The following POLD3 variants were observed in gnomAD, a reference collection of about 807,000 sequenced individuals.
POLD3 encodes DNA polymerase delta subunit 3.
Under a neutral mutation model 58.2 loss-of-function variants are expected in POLD3, and 19 were observed. The ratio of observed to expected loss-of-function variants is 0.33; its 90% CI spans 0.23 to 0.48. The LOEUF (loss-of-function observed/expected upper bound fraction) is 0.48. Ranked by LOEUF, POLD3 falls within the 20% of genes least tolerant of loss-of-function variation. The pLI, the probability that POLD3 is intolerant of heterozygous loss-of-function variation, is 0.99. For synonymous variants in POLD3, 172 were observed against 193.5 expected (o/e 0.89, Z 0.92); for missense variants, 504 against 545.5 (o/e 0.92, Z 0.76).
chr11:74,596,337 C>T (rs1011309226), intron 2 of POLD3, among the ~76,000 whole-genome samples: 12 of 151,174 alleles, frequency 7.9e-5, no homozygotes, highest in Non-Finnish European at 1.2e-4. Flanking sequence ...GCATGTGCCA[C>T]CATACCCGGC....
intron 3 of POLD3, among the ~76,000 whole-genome samples, chr11:74,609,951 G>A (rs2031850872): frequency 6.6e-6 from 1 of 152,098 alleles, no homozygotes; most frequent in Non-Finnish European, 1.5e-5. Context: ...TAATAGTGCT[G>A]TAGTGAATAG....
chr11:74,640,726 A>G lies in POLD3; in HGVS notation c.1361A>G (p.Asn454Ser), dbSNP rs759569472. 18 of 1,608,540 alleles carry G rather than the reference A, an allele frequency of 1.1e-5. No individual in the cohort carries two copies. The highest frequency in any genetic ancestry group is 1.7e-4 in the Middle Eastern group (1 of 6,042). ...GGGACTGCTGCTCTGGGCAAAGCCA[A>G]CAGACAGGTGTCCATTACTGGCTTC... ...KKGTAALGKA[N>S]RQVSITGFFQ... Residue 454 changes from asparagine to serine, a missense_variant, in exon 12 of 12, where the codon AAC becomes AGC. By Grantham distance (46) the Asn-to-Ser change is conservative. Transcript: ENST00000263681.
In POLD3 at chr11:74,639,081, A is replaced by G. The variant is rs188275335; in HGVS notation, c.1199-1483A>G. 6.6e-5 allele frequency among the ~76,000 whole-genome samples: 10 copies of G among 152,276 alleles called. No individual in the cohort carries two copies. The East Asian group carries it at 1.9e-3, about 29-fold the overall frequency. ...AGTGGCAATTGCACTTCAACATTTA[A>G]AACAGGGAAGGAGAGAACATTAATT... On this transcript the variant is annotated intron_variant, in intron 11 of 11. Coordinates refer to ENST00000263681, the MANE Select transcript of POLD3 (RefSeq NM_006591.3).
At position 74,631,171 on chromosome 11, in the gene POLD3, G is replaced by A. The variant is rs1475233097; in HGVS notation, c.1006+1848G>A. Among the ~76,000 whole-genome samples, 5 of 152,142 alleles carry A rather than the reference G, an allele frequency of 3.3e-5. No individual in the cohort carries two copies. The East Asian group carries it at 9.7e-4, about 29-fold the overall frequency. On this transcript the variant is annotated intron_variant, in intron 9 of 11. Transcript: ENST00000263681. ...TTTAACTTATTATTGCTTTATTTCT[G>A]TTACACTGAATATGTCATATTAGTT...
Position 74,642,312 on chromosome 11 carries a change from C to T in POLD3, c.*1546C>T. ...AGTAAAGGTTGACATATTCCAAAAC[C>T]CTTCTTTTTAAAAGGAAAAAGGATG... On this transcript the variant is annotated 3_prime_UTR_variant, in exon 12 of 12. Coordinates refer to ENST00000263681, the MANE Select transcript of POLD3 (RefSeq NM_006591.3). 1.0e-6 allele frequency: 1 copy of T among 985,280 alleles called. No individual in the cohort carries two copies. Among genetic ancestry groups the T allele is most frequent in the Non-Finnish European group, 1.2e-6 (1 of 829,856 alleles). The allele number at this position is 985,280 out of a possible 1,614,324, so 61.0% of individuals were successfully genotyped here. A position where few individuals can be genotyped will look rare whatever the true frequency, so the allele number is the denominator to read the frequency against.
At chr11:74,611,432 T>C (rs948017376) in intron 3 of POLD3, 67 bp from the exon 4 acceptor site, 3 of 902,152 alleles carry the variant, frequency 3.3e-6, no homozygotes, top group African/African-American at 1.7e-5. Flanking sequence ...AATTGAATTA[T>C]TGGAGCAAGG....
chr11:74,611,617 C>T (rs1297453227), intron 4 of POLD3, 79 bp downstream of exon 4: 3 of 746,654 alleles, frequency 4.0e-6, no homozygotes, highest in Non-Finnish European at 7.1e-6. Flanking sequence ...CCTCTAACAT[C>T]TGCGTATAAT....
chr11:74,645,911 T>G (rs987269600), downstream of POLD3, among the ~76,000 whole-genome samples: 1 of 152,018 alleles, frequency 6.6e-6, no homozygotes, highest in Non-Finnish European at 1.5e-5. Context: ...TATTAGTTCA[T>G]ACTTCCATAC....
intron 4 of POLD3, among the ~76,000 whole-genome samples, chr11:74,655,488 TGGG>T (rs2033122478): frequency 2.0e-5 from 3 of 152,134 alleles, no homozygotes; most frequent in South Asian, 4.1e-4. Flanking sequence ...TAACACATAA[TGGG>T]GGGAAATAAA....
intron 4 of POLD3, among the ~76,000 whole-genome samples, chr11:74,655,344 C>A (rs1365893723): frequency 6.6e-6 from 1 of 152,236 alleles, no homozygotes; most frequent in East Asian, 1.9e-4. Context: ...TAGATTTAGT[C>A]TAGGCAAGTT....
chr11:74,643,999 A>G (rs1319769362), downstream of POLD3, among the ~76,000 whole-genome samples: 1 of 152,156 alleles, frequency 6.6e-6, no homozygotes, highest in East Asian at 1.9e-4. Flanking sequence ...TCAATTTTTT[A>G]AAGTGATTTC....
intron 7 of POLD3, among the ~76,000 whole-genome samples, chr11:74,622,383 A>G (rs1291392002): frequency 1.3e-5 from 2 of 152,246 alleles, no homozygotes; most frequent in African/African-American, 2.4e-5. Flanking sequence ...AAGGAAAGAA[A>G]GAAAACATTT....
chr11:74,606,943 G>A (rs748227627), intron 3 of POLD3, among the ~76,000 whole-genome samples: 3 of 152,056 alleles, frequency 2.0e-5, no homozygotes, highest in African/African-American at 7.2e-5. Context: ...AATTTATTAA[G>A]AGTGGGGTTG....
At chr11:74,625,115 A>C (rs757172679) in intron 7 of POLD3, among the ~76,000 whole-genome samples, 1 of 152,198 alleles carries the variant, frequency 6.6e-6, no homozygotes, top group Non-Finnish European at 1.5e-5. Context: ...GATTTTCCTC[A>C]TCTGAAAATG....
intron 2 of POLD3, among the ~76,000 whole-genome samples, chr11:74,597,739 C>T (rs1446066981): frequency 2.0e-5 from 3 of 152,196 alleles, no homozygotes; most frequent in Non-Finnish European, 4.4e-5. Flanking sequence ...GGATTGCAGG[C>T]ATAAGCCACT....
intron 4 of POLD3, among the ~76,000 whole-genome samples, chr11:74,656,768 T>A (rs975811919): frequency 6.6e-5 from 10 of 151,294 alleles, no homozygotes; most frequent in African/African-American, 1.9e-4. Flanking sequence ...TTTAAGGTTA[T>A]AAGATTTGTT....
intron 2 of POLD3, among the ~76,000 whole-genome samples, chr11:74,600,418 C>T (rs1367685973): frequency 6.6e-6 from 1 of 152,124 alleles, no homozygotes; most frequent in Non-Finnish European, 1.5e-5. Context: ...GCTTCTGCCT[C>T]CCTGAGAGCT....
chr11:74,665,642 C>T (rs1191424420), intron 4 of POLD3, among the ~76,000 whole-genome samples: 5 of 151,928 alleles, frequency 3.3e-5, no homozygotes, highest in Non-Finnish European at 2.9e-5. Context: ...TCAGGTGATC[C>T]GCCTACCTTG....
At chr11:74,666,553 G>GGA (rs141160521) in intron 4 of POLD3, among the ~76,000 whole-genome samples, 4,222 of 150,048 alleles carry the variant, frequency 0.028, 236 homozygotes, top group African/African-American at 0.096. Flanking sequence ...CCCAGGAAGT[G>GGA]GAGAGAGAGA....
Sources: allele counts gnomAD v4.1 joint callset (sites outside exome capture counted in the v4.1 genomes callset), GRCh38; gene constraint gnomAD v4.1.1; transcripts MANE v1.5; gene names NCBI Gene and HGNC (gene_info 2026-07-23, HGNC 2026-07-21).